Variants in ANXA7 observed in about 807,000 individuals in gnomAD.
ANXA7 encodes annexin VII.
Under a neutral mutation model 64.9 loss-of-function variants are expected in ANXA7, and 55 were observed. The ratio of observed to expected loss-of-function variants is 0.85; its 90% confidence interval spans 0.68 to 1.06. The LOEUF (loss-of-function observed/expected upper bound fraction) is 1.06. ANXA7 is among the 50% of genes least tolerant of loss of function. The pLI, the probability that ANXA7 is intolerant of heterozygous loss-of-function variation, is 0.00. For synonymous variants in ANXA7, 200 were observed against 192.4 expected, an observed-to-expected ratio of 1.04 and a Z score of -0.33; for missense variants, 548 against 582.1, an observed-to-expected ratio of 0.94 and a Z score of 0.60.
chr10:73,381,390 T>C (rs372447139), intron 9 of ANXA7: 4 of 152,300 alleles, frequency 2.6e-5, no homozygotes, highest in African/African-American at 9.6e-5. Flanking sequence ...AATGAGCAGT[T>C]GGTTTCTCTC....
Position 73,398,286 on chromosome 10 carries a change from T to G in ANXA7, c.154A>C (p.Ser52Arg). Residue 52 changes from serine to arginine, a missense_variant, in exon 3 of 13, where the codon AGT becomes CGT. Physicochemically the swap from Ser to Arg is moderately radical, Grantham distance 110. Coordinates refer to ENST00000372921, the MANE Select transcript of ANXA7 (RefSeq NM_001156.5). Reference sequence around the variant, plus strand: ...TAGCCTCCAGCTCCTGGGTAGCCACTACTTGGCACTTGTGGGTAGGCACCT... The same window carrying G: ...TAGCCTCCAGCTCCTGGGTAGCCACGACTTGGCACTTGTGGGTAGGCACCT... Reference protein sequence around the residue: ...GGGAYPQVPSSGYPGAGGYPA... With the variant: ...GGGAYPQVPSRGYPGAGGYPA... The G allele has an allele frequency of 6.2e-7, 1 of 1,614,112 alleles. No individual in the cohort carries two copies. Among genetic ancestry groups the G allele is most frequent in the African/African-American group, 1.3e-5 (1 of 75,036 alleles).
At chr10:73,400,523 C>T (rs1011722966) in intron 2 of ANXA7, among the ~76,000 whole-genome samples, 1 of 152,110 alleles carries the variant, frequency 6.6e-6, no homozygotes, top group African/African-American at 2.4e-5. Context: ...CACATAGAAC[C>T]CAAGTTTCTG....
intron 2 of ANXA7, among the ~76,000 whole-genome samples, chr10:73,399,560 T>C (rs534259792): frequency 5.1e-4 from 77 of 152,280 alleles, no homozygotes; most frequent in East Asian, 9.6e-4. Flanking sequence ...AAGTGGCTCA[T>C]GCCTGTAATC....
chr10:73,383,027 T>C, intron 9 of ANXA7, 148 bp downstream of exon 9: 1 of 632,184 alleles, frequency 1.6e-6, no homozygotes, highest in Non-Finnish European at 2.5e-6. Context: ...TACAAAGAAA[T>C]CTGTACACTG....
At chr10:73,402,160 T>C (rs1227761077) in intron 1 of ANXA7, among the ~76,000 whole-genome samples, 1 of 152,134 alleles carries the variant, frequency 6.6e-6, no homozygotes. Flanking sequence ...GAGTCACATA[T>C]ACGTGGATTA....
At chr10:73,389,402 G>C (rs1298904827) in intron 5 of ANXA7, among the ~76,000 whole-genome samples, 2 of 152,286 alleles carry the variant, frequency 1.3e-5, no homozygotes, top group Admixed American at 1.3e-4. Context: ...GAGACAACTG[G>C]TGAAACTGAA....
intron 12 of ANXA7, among the ~76,000 whole-genome samples, chr10:73,378,203 C>T (rs545813904): frequency 1.1e-4 from 17 of 151,576 alleles, no homozygotes; most frequent in African/African-American, 4.8e-5. Flanking sequence ...GGTGAAACCC[C>T]ATCTCTACCA....
rs2055249039 is a variant in ANXA7, at chr10:73,380,024, C to T, written c.1089+7G>A. ...AGAAGCCAAATCTTCAAAAGAAAAG[C>T]TCATACCCTAGAATAAGCCTCCATG... On this transcript the variant is annotated splice_region_variant and intron_variant, in intron 10 of 12. Coordinates refer to ENST00000372921, the MANE Select transcript of ANXA7 (RefSeq NM_001156.5). The T allele has an allele frequency of 6.2e-7, 1 of 1,613,314 alleles. No homozygotes were observed. Among genetic ancestry groups the T allele is most frequent in the Non-Finnish European group, 8.5e-7 (1 of 1,179,816 alleles).
At chr10:73,413,170 G>T (rs1300070907) in intron 1 of ANXA7, among the ~76,000 whole-genome samples, 2 of 150,814 alleles carry the variant, frequency 1.3e-5, no homozygotes, top group Non-Finnish European at 2.9e-5. Context: ...CTGAAAGACA[G>T]TCCTCACTGA....
At chr10:73,406,048 T>C (rs1426496790) in intron 1 of ANXA7, among the ~76,000 whole-genome samples, 1 of 151,878 alleles carries the variant, frequency 6.6e-6, no homozygotes, top group Admixed American at 6.6e-5. Context: ...TTCCACCTCC[T>C]GGGTTCAAGC....
intron 5 of ANXA7, among the ~76,000 whole-genome samples, chr10:73,392,885 T>A (rs1421790666): frequency 6.6e-6 from 1 of 152,184 alleles, no homozygotes; most frequent in Non-Finnish European, 1.5e-5. Flanking sequence ...TAAAGGGTAT[T>A]CAATTAGGAA....
At chr10:73,397,614 C>T (rs1589659512) in intron 3 of ANXA7, among the ~76,000 whole-genome samples, 1 of 152,116 alleles carries the variant, frequency 6.6e-6, no homozygotes. Flanking sequence ...TGCACCACCA[C>T]ACCCAGCTAA....
At chr10:73,395,763 G>C (rs2132679763) in intron 5 of ANXA7, 2 of 481,870 alleles carry the variant, frequency 4.2e-6, no homozygotes, top group South Asian at 1.7e-5. Context: ...TCTAGCCTGG[G>C]TGCCAACAGT....
At chr10:73,383,730 C>A in intron 7 of ANXA7, 40 bp from the exon 8 acceptor site, 1 of 1,258,576 alleles carries the variant, frequency 7.9e-7, no homozygotes, top group Non-Finnish European at 1.1e-6. Context: ...ATGTGTTCTC[C>A]AAATTTTGTC....
chr10:73,379,394 G>T (rs932310922), intron 11 of ANXA7, among the ~76,000 whole-genome samples: 1 of 152,202 alleles, frequency 6.6e-6, no homozygotes, highest in Non-Finnish European at 1.5e-5. Flanking sequence ...CCATGAGAAT[G>T]AAACTTTCAC....
chr10:73,385,015 G>T (rs1385394613), intron 7 of ANXA7, among the ~76,000 whole-genome samples: 1 of 152,060 alleles, frequency 6.6e-6, no homozygotes, highest in African/African-American at 2.4e-5. Flanking sequence ...AAGACTCAGA[G>T]ATTCTGTGTA....
At chr10:73,381,785 C>A (rs2055279286) in intron 9 of ANXA7, among the ~76,000 whole-genome samples, 2 of 152,024 alleles carry the variant, frequency 1.3e-5, no homozygotes, top group African/African-American at 2.4e-5. Context: ...TAACCTACTG[C>A]CCTCCTGTTA....
At position 73,399,819 on chromosome 10, in the gene ANXA7, T is replaced by TCAAAAA. The variant is rs549545581; in HGVS notation, c.54+978_54+983dup. The stretch of plus-strand genomic sequence containing the variant: ...CCTGGTGACAGAGCGAGACTCCATC[T>TCAAAAA]CAAAAACAAAAACAAAAACAAAAAC... On this transcript the variant is annotated intron_variant, in intron 2 of 12. Coordinates refer to ENST00000372921, the MANE Select transcript of ANXA7 (RefSeq NM_001156.5). Among the ~76,000 whole-genome samples the TCAAAAA allele has an allele frequency of 6.4e-4, 92 of 144,436 alleles. 1 individual carries two copies. The highest frequency in any genetic ancestry group is 2.0e-3 in the African/African-American group (75 of 37,952). The allele number at this position is 144,436 out of a possible 152,430, so 94.8% of individuals were successfully genotyped here.
intron 1 of ANXA7, among the ~76,000 whole-genome samples, chr10:73,401,197 C>A (rs1339245640): frequency 9.2e-5 from 14 of 152,212 alleles, no homozygotes; most frequent in Non-Finnish European, 1.5e-5. Context: ...AGCCACCGCG[C>A]CCAGCCTGTA....
Sources: gnomAD v4.1 joint callset for allele counts (sites outside exome capture counted in the v4.1 genomes callset) on GRCh38, gnomAD v4.1.1 for gene constraint, MANE v1.5 for transcripts, NCBI Gene and HGNC (gene_info 2026-07-23, HGNC 2026-07-21) for gene names.